Variants in GABRA3 observed in about 807,000 individuals in gnomAD.
The protein encoded by GABRA3 is gamma-aminobutyric acid receptor subunit alpha-3.
Under a neutral mutation model 30.1 loss-of-function variants are expected in GABRA3, and 10 were observed. That is an observed-to-expected ratio of 0.33 (90% CI 0.20 to 0.56). The LOEUF (loss-of-function observed/expected upper bound fraction) is 0.56. Ranked by LOEUF, GABRA3 falls within the 20% of genes least tolerant of loss-of-function variation. The pLI, the probability that GABRA3 is intolerant of heterozygous loss-of-function variation, is 0.89. For missense variants in GABRA3, 233 were observed against 392.0 expected, an observed-to-expected ratio of 0.59 and a Z score of 3.42; for synonymous variants, 151 against 146.8, an observed-to-expected ratio of 1.03 and a Z score of -0.21.
At chrX:152,285,847 T>C (rs186539216) in intron 3 of GABRA3, among the ~76,000 whole-genome samples, 1 of 108,422 alleles carries the variant, frequency 9.2e-6, no homozygotes, top group Admixed American at 1.0e-4. Flanking sequence ...GGAGCCCTCC[T>C]GACCTAATCG....
intron 3 of GABRA3, among the ~76,000 whole-genome samples, chrX:152,342,681 T>G (rs1247510597): frequency 2.7e-5 from 3 of 111,745 alleles, no homozygotes; most frequent in Non-Finnish European, 5.6e-5. Flanking sequence ...GATATCAGAT[T>G]TTTTTACTGC....
intron 4 of GABRA3, among the ~76,000 whole-genome samples, chrX:152,259,137 A>G (rs768423024): frequency 9.0e-6 from 1 of 111,628 alleles, no homozygotes; most frequent in Admixed American, 9.5e-5. Context: ...GCAAAACCAG[A>G]CCAAACTTAG....
chrX:152,177,944 C>T (rs756010916), intron 9 of GABRA3, among the ~76,000 whole-genome samples: 110 of 111,847 alleles, frequency 9.8e-4, no homozygotes, highest in Non-Finnish European at 1.9e-3. Flanking sequence ...AAGGAGTAAA[C>T]AGTGGCCTGG....
intron 3 of GABRA3, among the ~76,000 whole-genome samples, chrX:152,345,357 A>C (rs769406117): frequency 8.9e-6 from 1 of 111,956 alleles, no homozygotes; most frequent in South Asian, 3.7e-4. Context: ...GTATTACTCC[A>C]TATGCACCTA....
At chrX:152,274,120 A>G (rs1938998449) in intron 4 of GABRA3, among the ~76,000 whole-genome samples, 1 of 111,676 alleles carries the variant, frequency 9.0e-6, no homozygotes, top group African/African-American at 3.3e-5. Context: ...TTACACTAAC[A>G]GATGGAGTAT....
intron 4 of GABRA3, among the ~76,000 whole-genome samples, chrX:152,262,956 T>TG (rs753327304): frequency 8.1e-5 from 9 of 111,621 alleles, no homozygotes; most frequent in South Asian, 7.7e-4. Context: ...TCAGCATGGC[T>TG]GGGGGGGCCT....
rs1937301045 is a variant in GABRA3, at chrX:152,189,907, A to G, written c.966T>C (p.Ser322=). The G allele has an allele frequency of 7.4e-6, 9 of 1,209,983 alleles. No individual in the cohort carries two copies. Among genetic ancestry groups the G allele is most frequent in the Non-Finnish European group, 1.0e-5 (9 of 894,541 alleles). ...VTTVLTMTTL[S]ISARNSLPKV... is the part of the protein sequence containing the mutation. ...TAGGTAAGGAATTTCTGGCACTGAT[A>G]CTCAAGGTGGTCATGGTAAGCACAG... Residue 322 remains serine, a synonymous_variant, in exon 9 of 10, where the codon AGT becomes AGC. Transcript: ENST00000370314.
chrX:152,246,471 C>G (rs12007663), intron 5 of GABRA3, among the ~76,000 whole-genome samples: 12,074 of 111,322 alleles, frequency 0.11, 1,288 homozygotes, highest in East Asian at 0.38. Context: ...ACATCTGGGT[C>G]CATGTCCCCA....
chrX:152,201,499 T>A, intron 7 of GABRA3, among the ~76,000 whole-genome samples: 1 of 112,431 alleles, frequency 8.9e-6, no homozygotes, highest in African/African-American at 3.2e-5. Flanking sequence ...ATTCTCTCCC[T>A]CCTTGCCCCT....
chrX:152,170,044 C>T (rs1936983915), intron 9 of GABRA3, among the ~76,000 whole-genome samples: 1 of 112,017 alleles, frequency 8.9e-6, no homozygotes, highest in Admixed American at 9.5e-5. Flanking sequence ...ATGCTAGGTA[C>T]TTAGAGATAA....
In GABRA3 at chrX:152,441,767, A is replaced by G. The variant is rs185802517; in HGVS notation, c.-27+9379T>C. On this transcript the variant is annotated intron_variant, in intron 1 of 9. Coordinates refer to ENST00000370314, the MANE Select transcript of GABRA3 (RefSeq NM_000808.4). ...TTGTGTATAAATGATATTTAAAACA[A>G]ATAGTATTTTACATGGAAAAAAAAC... 7.6e-3 allele frequency among the ~76,000 whole-genome samples: 828 copies of G among 109,270 alleles called. 11 individuals are homozygous for G. The highest frequency in any genetic ancestry group is 0.026 in the African/African-American group (755 of 28,583). 94.9% of individuals were successfully genotyped at this position (109,270 alleles called of 115,157 possible). A position where few individuals can be genotyped will look rare whatever the true frequency, so the allele number is the denominator to read the frequency against.
At chrX:152,440,063 G>C (rs774349018) in intron 1 of GABRA3, among the ~76,000 whole-genome samples, 234 of 112,048 alleles carry the variant, frequency 2.1e-3, no homozygotes, top group Middle Eastern at 4.6e-3. Context: ...CAGCAAAAGA[G>C]ACTATCATCA....
At chrX:152,367,086 A>C (rs1048520616) in intron 1 of GABRA3, among the ~76,000 whole-genome samples, 4 of 111,552 alleles carry the variant, frequency 3.6e-5, no homozygotes, top group Non-Finnish European at 7.5e-5. Context: ...AATGAAAATT[A>C]CAGTGAAGGA....
intron 2 of GABRA3, among the ~76,000 whole-genome samples, chrX:152,359,097 C>A (rs1928397464): frequency 9.0e-6 from 1 of 111,568 alleles, no homozygotes; most frequent in Non-Finnish European, 1.9e-5. Context: ...GGAGTCCTTC[C>A]TCCTCAGTTA....
At chrX:152,253,889 C>G (rs907799846) in intron 5 of GABRA3, among the ~76,000 whole-genome samples, 75 of 111,569 alleles carry the variant, frequency 6.7e-4, no homozygotes, top group African/African-American at 2.1e-3. Flanking sequence ...AATGCTAATG[C>G]TAATACCAAT....
intron 1 of GABRA3, among the ~76,000 whole-genome samples, chrX:152,434,471 T>A (rs1482629170): frequency 9.0e-6 from 1 of 110,908 alleles, no homozygotes; most frequent in African/African-American, 3.3e-5. Flanking sequence ...ACCAAGTACT[T>A]AAGGAAGAAA....
chrX:152,276,748 A>T (rs933795120), intron 4 of GABRA3, among the ~76,000 whole-genome samples: 7 of 111,547 alleles, frequency 6.3e-5, no homozygotes, highest in Non-Finnish European at 3.8e-5. Flanking sequence ...GGTAAAAAAT[A>T]AGTTGTATAA....
At chrX:152,292,304 A>G (rs1569385725) in intron 3 of GABRA3, among the ~76,000 whole-genome samples, 1 of 111,821 alleles carries the variant, frequency 8.9e-6, no homozygotes, top group Non-Finnish European at 1.9e-5. Flanking sequence ...TTATTTGCAT[A>G]GAGGTGTTTA....
intron 1 of GABRA3, among the ~76,000 whole-genome samples, chrX:152,385,540 G>A (rs1003186305): frequency 8.9e-5 from 10 of 111,775 alleles, no homozygotes; most frequent in African/African-American, 3.2e-4. Context: ...CATTTTGTAG[G>A]TTGCCTGTTC....
Sources: allele counts gnomAD v4.1 joint callset (sites outside exome capture counted in the v4.1 genomes callset), GRCh38; gene constraint gnomAD v4.1.1; transcripts MANE v1.5; gene names NCBI Gene and HGNC (gene_info 2026-07-23, HGNC 2026-07-21).